The following TAF3 variants were observed in gnomAD, a reference collection of about 807,000 sequenced individuals.
The protein encoded by TAF3 is TATA-box binding protein associated factor 3.
TAF3 carries 7 observed loss-of-function variants against 80.6 expected under a neutral mutation model. The observed-to-expected ratio is 0.09, with a 90% CI of 0.05 to 0.16. The LOEUF is 0.16. Among genes scored for constraint, TAF3 ranks in the 10% least tolerant of loss-of-function variants. TAF3 has a pLI of 1.00. For synonymous variants in TAF3, 444 were observed against 446.1 expected, an observed-to-expected ratio of 1.00 and a Z score of 0.06; for missense variants, 921 against 1,140.2, an observed-to-expected ratio of 0.81 and a Z score of 2.77.
intron 2 of TAF3, among the ~76,000 whole-genome samples, chr10:7,911,726 C>G (rs1238694373): frequency 1.3e-5 from 2 of 152,258 alleles, no homozygotes; most frequent in East Asian, 3.9e-4. Flanking sequence ...ATTTTTAAAT[C>G]AGAAAAATTT....
rs1392590300 is a variant in TAF3, at chr10:8,014,767, T to C, written c.*16T>C. 1 of 1,569,440 alleles carries C rather than the reference T, an allele frequency of 6.4e-7. No homozygotes were observed. The highest frequency in any genetic ancestry group is 1.9e-5 in the Admixed American group (1 of 53,134). On this transcript the variant is annotated 3_prime_UTR_variant, in exon 7 of 7. Transcript: ENST00000344293. ...AGCCCACTGACGACTCCCGAGGGGC[T>C]GGACCAAGCGGGGTCAGCCCGGGCT...
At chr10:7,922,378 T>C (rs17143115) in intron 2 of TAF3, among the ~76,000 whole-genome samples, 7,585 of 152,150 alleles carry the variant, frequency 0.05, 297 homozygotes, top group Admixed American at 0.11. Flanking sequence ...ATTGTGAATG[T>C]TGTACTGTCT....
At chr10:7,998,880 A>G (rs1831916393) in intron 4 of TAF3, among the ~76,000 whole-genome samples, 1 of 152,096 alleles carries the variant, frequency 6.6e-6, no homozygotes, top group Non-Finnish European at 1.5e-5. Flanking sequence ...TAGGGAGAAA[A>G]TTAAAGGGCA....
chr10:7,922,047 G>GT (rs1837767792), intron 2 of TAF3, among the ~76,000 whole-genome samples: 1 of 152,012 alleles, frequency 6.6e-6, no homozygotes, highest in African/African-American at 2.4e-5. Flanking sequence ...GTTCGTATTT[G>GT]TTTTATGTTA....
At chr10:7,912,460 G>A (rs897722945) in intron 2 of TAF3, among the ~76,000 whole-genome samples, 1 of 151,996 alleles carries the variant, frequency 6.6e-6, no homozygotes, top group African/African-American at 2.4e-5. Context: ...TAATAATTTA[G>A]GATACTTTTT....
At chr10:7,875,160 G>A (rs915543448) in intron 2 of TAF3, among the ~76,000 whole-genome samples, 1 of 152,060 alleles carries the variant, frequency 6.6e-6, no homozygotes, top group Admixed American at 6.6e-5. Flanking sequence ...TTATATGGTA[G>A]TAAATAATCA....
intron 2 of TAF3, among the ~76,000 whole-genome samples, chr10:7,884,667 C>T (rs926482559): frequency 2.6e-5 from 4 of 152,074 alleles, no homozygotes; most frequent in African/African-American, 7.2e-5. Context: ...GGATTACAGG[C>T]GTGCGCCGCT....
chr10:8,013,636 C>A, intron 5 of TAF3, 95 bp from the exon 6 acceptor site: 1 of 921,360 alleles, frequency 1.1e-6, no homozygotes, highest in Non-Finnish European at 1.7e-6. Flanking sequence ...CCTGTTTATT[C>A]GGTTAACAGT....
chr10:7,960,829 T>C (rs1437802881), intron 2 of TAF3, among the ~76,000 whole-genome samples: 3 of 152,192 alleles, frequency 2.0e-5, no homozygotes, highest in Non-Finnish European at 4.4e-5. Flanking sequence ...ACAAAAGCTT[T>C]TGTGGAAGCT....
chr10:7,860,904 A>G (rs576784902), intron 2 of TAF3, among the ~76,000 whole-genome samples: 4 of 151,360 alleles, frequency 2.6e-5, no homozygotes, highest in African/African-American at 7.3e-5. Flanking sequence ...GGTTCAAGCA[A>G]TTCTCTGCTT....
At chr10:7,978,152 G>C (rs1349778612) in intron 4 of TAF3, among the ~76,000 whole-genome samples, 2 of 152,062 alleles carry the variant, frequency 1.3e-5, no homozygotes, top group African/African-American at 4.8e-5. Context: ...GCCTGAAAAT[G>C]CAGTTTACAT....
At chr10:7,863,220 C>T (rs1048139887) in intron 2 of TAF3, among the ~76,000 whole-genome samples, 1 of 152,110 alleles carries the variant, frequency 6.6e-6, no homozygotes, top group African/African-American at 2.4e-5. Flanking sequence ...AATGTATCAT[C>T]TACAAGAAAG....
chr10:7,880,414 G>A (rs537282658), intron 2 of TAF3, among the ~76,000 whole-genome samples: 9 of 152,294 alleles, frequency 5.9e-5, no homozygotes, highest in Admixed American at 2.6e-4. Flanking sequence ...GTAGTCTGGA[G>A]GGAATTGGTG....
At chr10:7,850,537 A>G (rs948166314) in intron 2 of TAF3, among the ~76,000 whole-genome samples, 6 of 152,032 alleles carry the variant, frequency 3.9e-5, no homozygotes, top group Non-Finnish European at 4.4e-5. Context: ...TTAGCCAGGC[A>G]TGGTGGCACA....
At chr10:7,849,711 A>G (rs768973704) in intron 2 of TAF3, among the ~76,000 whole-genome samples, 3 of 149,568 alleles carry the variant, frequency 2.0e-5, no homozygotes, top group Non-Finnish European at 3.0e-5. Flanking sequence ...AGTGTCTCTC[A>G]CTCTGTCACC....
chr10:7,930,851 A>G (rs1315899185), intron 2 of TAF3, among the ~76,000 whole-genome samples: 4 of 151,924 alleles, frequency 2.6e-5, no homozygotes, highest in Non-Finnish European at 5.9e-5. Flanking sequence ...ATACTTTTGT[A>G]TATAAAAATA....
chr10:7,997,513 G>A (rs1046907291), intron 4 of TAF3, among the ~76,000 whole-genome samples: 2 of 152,234 alleles, frequency 1.3e-5, no homozygotes, highest in Non-Finnish European at 2.9e-5. Flanking sequence ...TACAGGCCAA[G>A]CAGCTCATGA....
At chr10:8,003,055 C>T (rs143941283) in intron 4 of TAF3, among the ~76,000 whole-genome samples, 12 of 152,176 alleles carry the variant, frequency 7.9e-5, no homozygotes, top group African/African-American at 2.9e-4. Flanking sequence ...GCTAGATGTT[C>T]CTCTGGGCAT....
intron 2 of TAF3, among the ~76,000 whole-genome samples, 185 bp downstream of exon 2, chr10:7,824,745 G>A (rs1373493300): frequency 2.0e-5 from 3 of 152,288 alleles, no homozygotes; most frequent in East Asian, 3.9e-4. Context: ...GCCGAGTCAC[G>A]GTGTAATCAA....
Sources: allele counts gnomAD v4.1 joint callset (sites outside exome capture counted in the v4.1 genomes callset), GRCh38; gene constraint gnomAD v4.1.1; transcripts MANE v1.5; gene names NCBI Gene and HGNC (gene_info 2026-07-23, HGNC 2026-07-21).